Variants in FRMD3 observed in about 807,000 individuals in gnomAD.
The protein encoded by FRMD3 is FERM domain-containing protein 3.
In FRMD3, 33 loss-of-function variants were observed where a neutral mutation model predicts 70.2. The observed-to-expected ratio is 0.47, with a 90% confidence interval of 0.36 to 0.63. The LOEUF (loss-of-function observed/expected upper bound fraction) is 0.63, where lower values mean the gene tolerates loss of function less well. Among genes scored for constraint, FRMD3 ranks in the 20% least tolerant of loss-of-function variants. The probability of loss-of-function intolerance (pLI) is 0.00; values close to 1 mark genes in which losing one functional copy is unlikely to be tolerated. For synonymous variants in FRMD3, 279 were observed against 255.9 expected (o/e 1.09, Z -0.86); for missense variants, 632 against 711.4 (o/e 0.89, Z 1.27).
At chr9:83,411,645 C>G (rs1004644823) in intron 1 of FRMD3, among the ~76,000 whole-genome samples, 3 of 152,176 alleles carry the variant, frequency 2.0e-5, no homozygotes, top group African/African-American at 7.2e-5. Flanking sequence ...GGGGTGGGGG[C>G]TACAAACCCG....
chr9:83,485,708 AG>A (rs1362042620), intron 1 of FRMD3, among the ~76,000 whole-genome samples: 1 of 152,216 alleles, frequency 6.6e-6, no homozygotes, highest in Non-Finnish European at 1.5e-5. Context: ...AAGAAGGAAC[AG>A]GTTAGTATGA....
At chr9:83,362,572 T>C (rs1323882049) in intron 3 of FRMD3, among the ~76,000 whole-genome samples, 1 of 152,178 alleles carries the variant, frequency 6.6e-6, no homozygotes, top group Non-Finnish European at 1.5e-5. Flanking sequence ...CAGTCTCTGG[T>C]AAATAGGGCA....
At chr9:83,283,209 C>T (rs1436353968) in intron 13 of FRMD3, among the ~76,000 whole-genome samples, 1 of 152,090 alleles carries the variant, frequency 6.6e-6, no homozygotes, top group Non-Finnish European at 1.5e-5. Flanking sequence ...GAGTTGCTGA[C>T]CCAAACTGTG....
intron 1 of FRMD3, among the ~76,000 whole-genome samples, chr9:83,494,612 T>C (rs1357664801): frequency 6.6e-6 from 1 of 152,214 alleles, no homozygotes; most frequent in Non-Finnish European, 1.5e-5. Flanking sequence ...TTTAAAATAG[T>C]TAACATCTGG....
chr9:83,465,186 A>T (rs564415498), intron 1 of FRMD3, among the ~76,000 whole-genome samples: 4 of 152,322 alleles, frequency 2.6e-5, no homozygotes, highest in African/African-American at 9.6e-5. Context: ...TTCACAGGGC[A>T]ACACAGAGAT....
the FRMD3 span, among the ~76,000 whole-genome samples, chr9:83,564,893 C>A: frequency 6.6e-6 from 1 of 152,174 alleles, no homozygotes; most frequent in African/African-American, 2.4e-5. Context: ...CATAGGCTGA[C>A]CAACTTGGGG....
At chr9:83,281,309 G>T (rs1833965390) in intron 13 of FRMD3, among the ~76,000 whole-genome samples, 2 of 152,060 alleles carry the variant, frequency 1.3e-5, no homozygotes, top group African/African-American at 4.8e-5. Context: ...CTCTCCTGTG[G>T]TTTCTTAGGG....
At position 83,453,271 on chromosome 9, in the gene FRMD3, T is replaced by G. The variant is rs1362519510; in HGVS notation, c.148-63563A>C. On this transcript the variant is annotated intron_variant, in intron 1 of 13. Coordinates refer to ENST00000304195, the MANE Select transcript of FRMD3 (RefSeq NM_174938.6). ...ACTTCACACAGTGCAAGATATACAT[T>G]TGTTATATTAGTTTATAAGGTTCTC... Among the ~76,000 whole-genome samples, 8 of 152,194 alleles carry G rather than the reference T, an allele frequency of 5.3e-5. 1 individual carries two copies. The highest frequency in any genetic ancestry group is 4.6e-4 in the Admixed American group (7 of 15,282).
Position 83,492,445 on chromosome 9 carries a change from C to T in FRMD3, c.147+45640G>A, listed in dbSNP as rs77969415. On this transcript the variant is annotated intron_variant, in intron 1 of 13. Coordinates refer to ENST00000304195, the MANE Select transcript of FRMD3 (RefSeq NM_174938.6). ...CCCAAAACTGGCCCCAAATGTACTG[C>T]ATCACCACCACCCAGGATGGTCGCA... Among the ~76,000 whole-genome samples the T allele has an allele frequency of 6.6e-3, 1,005 of 152,322 alleles. 11 individuals carry two copies. Among genetic ancestry groups the T allele is most frequent in the African/African-American group, 0.023 (948 of 41,558 alleles).
intron 1 of FRMD3, among the ~76,000 whole-genome samples, chr9:83,505,139 C>T (rs1829153586): frequency 6.6e-6 from 1 of 152,114 alleles, no homozygotes; most frequent in Non-Finnish European, 1.5e-5. Flanking sequence ...CAATAATGCA[C>T]CAGGTAAAAT....
At chr9:83,424,212 G>A (rs955945115) in intron 1 of FRMD3, among the ~76,000 whole-genome samples, 2 of 152,164 alleles carry the variant, frequency 1.3e-5, no homozygotes, top group Non-Finnish European at 2.9e-5. Flanking sequence ...CGCTGGCCTT[G>A]AGCTGAATGG....
the FRMD3 span, among the ~76,000 whole-genome samples, chr9:83,576,478 C>T: frequency 6.6e-6 from 1 of 152,114 alleles, no homozygotes; most frequent in African/African-American, 2.4e-5. Flanking sequence ...TGTACATGTG[C>T]AGGTATGTTA....
At chr9:83,511,198 G>A (rs1388093966) in intron 1 of FRMD3, among the ~76,000 whole-genome samples, 1 of 152,150 alleles carries the variant, frequency 6.6e-6, no homozygotes, top group Non-Finnish European at 1.5e-5. Flanking sequence ...CCTATTTAGT[G>A]ACTTACTTAG....
chr9:83,512,793 T>G (rs1212275342), intron 1 of FRMD3, among the ~76,000 whole-genome samples: 1 of 152,204 alleles, frequency 6.6e-6, no homozygotes, highest in African/African-American at 2.4e-5. Context: ...TTTCAGCATC[T>G]CTGACTGTTC....
chr9:83,306,267 T>TCTC (rs1835132546), intron 10 of FRMD3, among the ~76,000 whole-genome samples: 1 of 152,128 alleles, frequency 6.6e-6, no homozygotes, highest in Non-Finnish European at 1.5e-5. Flanking sequence ...TGCTAGGTGT[T>TCTC]CTCCTGTATC....
chr9:83,277,633 G>C (rs895513274), intron 13 of FRMD3, among the ~76,000 whole-genome samples: 2 of 152,164 alleles, frequency 1.3e-5, no homozygotes, highest in Admixed American at 1.3e-4. Context: ...AGTGCTAGGA[G>C]TATAGGCATG....
the FRMD3 span, among the ~76,000 whole-genome samples, chr9:83,564,916 C>G: frequency 6.6e-6 from 1 of 152,124 alleles, no homozygotes; most frequent in Non-Finnish European, 1.5e-5. Flanking sequence ...ACTGAGCAGG[C>G]AAAAGTTCAA....
chr9:83,407,857 C>CA (rs1348832105), intron 1 of FRMD3, among the ~76,000 whole-genome samples: 3 of 129,840 alleles, frequency 2.3e-5, no homozygotes, highest in Non-Finnish European at 4.6e-5. Context: ...CTCTCTCTCT[C>CA]TCTCTCTCTC....
rs1554713917 is a variant in FRMD3, at chr9:83,507,736, A to ATATATATATC, written c.147+30348_147+30349insGATATATATA. On this transcript the variant is annotated intron_variant, in intron 1 of 13. Transcript: ENST00000304195. ...TATATATATATATATATATATATATATATCTTCTGGAATATTTCCTGAAGG... is the reference window on the plus strand; with the variant it reads ...TATATATATATATATATATATATATATATATATATCTATCTTCTGGAATATTTCCTGAAGG... Among the ~76,000 whole-genome samples, 63 of 88,698 alleles carry ATATATATATC rather than the reference A, an allele frequency of 7.1e-4. 3 individuals are homozygous for ATATATATATC. Among genetic ancestry groups the ATATATATATC allele is most frequent in the Non-Finnish European group, 1.0e-3 (44 of 42,244 alleles). 58.2% of individuals were successfully genotyped at this position (88,698 alleles called of 152,430 possible).
Sources: allele counts gnomAD v4.1 joint callset (sites outside exome capture counted in the v4.1 genomes callset), GRCh38; gene constraint gnomAD v4.1.1; transcripts MANE v1.5; gene names NCBI Gene and HGNC (gene_info 2026-07-23, HGNC 2026-07-21).